Variants in NECTIN3 observed in about 807,000 individuals in gnomAD.
NECTIN3 encodes nectin-3.
A neutral mutation model predicts 49.4 loss-of-function variants in NECTIN3; 8 were observed. The observed-to-expected ratio is 0.16, with a 90% confidence interval of 0.10 to 0.29. NECTIN3 has a LOEUF of 0.29. Among genes scored for constraint, NECTIN3 ranks in the 10% least tolerant of loss-of-function variants. NECTIN3 has a pLI of 1.00. For missense variants in NECTIN3, 581 were observed against 654.6 expected (o/e 0.89, Z 1.23); for synonymous variants, 277 against 241.1 (o/e 1.15, Z -1.38).
At chr3:111,161,932 C>T (rs1482718552) in intron 7 of NECTIN3, among the ~76,000 whole-genome samples, 2 of 152,036 alleles carry the variant, frequency 1.3e-5, no homozygotes, top group Non-Finnish European at 2.9e-5. Context: ...CCTGGATTTC[C>T]GTCAGCCAGC....
At chr3:111,096,380 A>G (rs1576092579) in intron 1 of NECTIN3, among the ~76,000 whole-genome samples, 1 of 152,358 alleles carries the variant, frequency 6.6e-6, no homozygotes, top group East Asian at 1.9e-4. Context: ...AAAATAGACC[A>G]TGCAAGTTTG....
At chr3:111,164,585 G>A (rs2035281035) in intron 7 of NECTIN3, among the ~76,000 whole-genome samples, 3 of 152,190 alleles carry the variant, frequency 2.0e-5, no homozygotes, top group African/African-American at 7.2e-5. Context: ...GTGTTGGCAA[G>A]GTGTCCAAGG....
chr3:111,121,293 G>T (rs957213311), intron 3 of NECTIN3, among the ~76,000 whole-genome samples: 1 of 151,764 alleles, frequency 6.6e-6, no homozygotes, highest in Non-Finnish European at 1.5e-5. Flanking sequence ...GATTACAGGC[G>T]TGAGCCCCCG....
At chr3:111,123,378 G>A (rs1302573417) in intron 4 of NECTIN3, among the ~76,000 whole-genome samples, 4 of 151,868 alleles carry the variant, frequency 2.6e-5, no homozygotes, top group Non-Finnish European at 5.9e-5. Flanking sequence ...AATCTTGTTG[G>A]TTGTTTAGTC....
At chr3:111,181,697 T>C (rs1427555545) in intron 7 of NECTIN3, among the ~76,000 whole-genome samples, 1 of 152,108 alleles carries the variant, frequency 6.6e-6, no homozygotes, top group African/African-American at 2.4e-5. Context: ...TACACTTTTT[T>C]AACCTTTTAA....
At chr3:111,101,613 TC>T (rs1261203166) in intron 1 of NECTIN3, among the ~76,000 whole-genome samples, 1 of 152,204 alleles carries the variant, frequency 6.6e-6, no homozygotes, top group Non-Finnish European at 1.5e-5. Context: ...TCTAGAACTT[TC>T]TGCAGTGATG....
intron 7 of NECTIN3, among the ~76,000 whole-genome samples, chr3:111,178,887 C>T (rs1465731743): frequency 6.6e-6 from 1 of 152,158 alleles, no homozygotes; most frequent in African/African-American, 2.4e-5. Context: ...TCATTCTAGG[C>T]CTCAGTTTCT....
In NECTIN3 at chr3:111,137,129, AT is replaced by A; in HGVS notation, c.*2918del. ...TACAGAAATTGAGAGAAATGTAGTC[AT>A]TTTATATGTGAAAACATCTGATTTG... is the stretch of plus-strand genomic sequence containing the variant. On this transcript the variant is annotated 3_prime_UTR_variant, in exon 6 of 6. Transcript: ENST00000485303. The A allele has an allele frequency of 1.0e-6, 1 of 973,198 alleles. No individual in the cohort carries two copies. Among genetic ancestry groups the A allele is most frequent in the Non-Finnish European group, 1.2e-6 (1 of 818,970 alleles). The allele number at this position is 973,198 out of a possible 1,614,324, so 60.3% of individuals were successfully genotyped here.
intron 1 of NECTIN3, among the ~76,000 whole-genome samples, chr3:111,090,144 G>A (rs1298703389): frequency 6.6e-6 from 1 of 151,974 alleles, no homozygotes; most frequent in Non-Finnish European, 1.5e-5. Context: ...AATTTAAGAC[G>A]TATCTTTTGT....
At chr3:111,094,196 CTG>C (rs1039400207) in intron 1 of NECTIN3, among the ~76,000 whole-genome samples, 4 of 151,834 alleles carry the variant, frequency 2.6e-5, no homozygotes, top group Non-Finnish European at 4.4e-5. Flanking sequence ...CAAAAAAAAA[CTG>C]TGACAATACT....
Position 111,118,738 on chromosome 3 carries a change from AGCC to A in NECTIN3, c.586_588del (p.Ala196del). ...AAACAGTAGCAGCCATTTGCATCGCAGCCACTGGAAAACCCGTTGCACATATTG... is the reference window on the plus strand; with the variant it reads ...AAACAGTAGCAGCCATTTGCATCGCAACTGGAAAACCCGTTGCACATATTG... On this transcript the variant is annotated inframe_deletion, in exon 3 of 6. Transcript: ENST00000485303. 1 of 1,614,156 alleles carries A rather than the reference AGCC, an allele frequency of 6.2e-7. No homozygotes were observed. Among genetic ancestry groups the A allele is most frequent in the Non-Finnish European group, 8.5e-7 (1 of 1,179,988 alleles).
At chr3:111,072,671 A>G in intron 1 of NECTIN3, 1 of 1,226,370 alleles carries the variant, frequency 8.2e-7, no homozygotes, top group East Asian at 2.6e-5. Context: ...TAGCCCACCC[A>G]GCCGCAGAAT....
chr3:111,087,150 A>G (rs1235402916), intron 1 of NECTIN3, among the ~76,000 whole-genome samples: 1 of 152,068 alleles, frequency 6.6e-6, no homozygotes, highest in Non-Finnish European at 1.5e-5. Context: ...TGAATTTTCC[A>G]TCTATATAAG....
intron 7 of NECTIN3, among the ~76,000 whole-genome samples, chr3:111,165,294 C>T (rs1269617237): frequency 1.3e-5 from 2 of 152,074 alleles, no homozygotes; most frequent in Non-Finnish European, 2.9e-5. Context: ...CCGCCCACCT[C>T]GGCCTCCCAA....
chr3:111,089,578 G>A (rs2032138255), intron 1 of NECTIN3, among the ~76,000 whole-genome samples: 1 of 151,916 alleles, frequency 6.6e-6, no homozygotes, highest in African/African-American at 2.4e-5. Context: ...TGAGATTTTT[G>A]CTTAAGTAAA....
intron 7 of NECTIN3, among the ~76,000 whole-genome samples, chr3:111,159,106 C>T (rs2035157079): frequency 6.6e-6 from 1 of 152,046 alleles, no homozygotes; most frequent in African/African-American, 2.4e-5. Context: ...TAATAGCTTC[C>T]AGTTTATCTT....
At chr3:111,180,561 TCA>T (rs1255883416) in intron 7 of NECTIN3, among the ~76,000 whole-genome samples, 1 of 152,226 alleles carries the variant, frequency 6.6e-6, no homozygotes, top group African/African-American at 2.4e-5. Context: ...AATCTTTGGT[TCA>T]CAGTTTTAAT....
intron 1 of NECTIN3, among the ~76,000 whole-genome samples, chr3:111,081,014 G>A (rs2031568863): frequency 6.6e-6 from 1 of 152,148 alleles, no homozygotes; most frequent in Admixed American, 6.5e-5. Context: ...TGGGTGCAGT[G>A]GCTCACGTCT....
Position 111,118,969 on chromosome 3 carries a change from A to G in NECTIN3, c.799+17A>G, listed in dbSNP as rs1404396107. 1.9e-6 allele frequency: 3 copies of G among 1,546,226 alleles called. No individual in the cohort carries two copies. Among genetic ancestry groups the G allele is most frequent in the East Asian group, 4.6e-5 (2 of 43,590 alleles). On this transcript the variant is annotated intron_variant, in intron 3 of 5. Coordinates refer to ENST00000485303, the MANE Select transcript of NECTIN3 (RefSeq NM_015480.3). The stretch of plus-strand genomic sequence containing the variant: ...ACATACAGTGTAAGTAAATGGTAAC[A>G]TTTACTTTTTAAATATTTGTCAGCA...
Sources: allele counts gnomAD v4.1 joint callset (sites outside exome capture counted in the v4.1 genomes callset), GRCh38; gene constraint gnomAD v4.1.1; transcripts MANE v1.5; gene names NCBI Gene and HGNC (gene_info 2026-07-23, HGNC 2026-07-21).